REV1: variants seen among roughly 807,000 people sequenced by gnomAD.
REV1 encodes the protein REV1 DNA directed polymerase, also known as translesion synthesis protein REV1.
Under a neutral mutation model 137.4 loss-of-function variants are expected in REV1, and 42 were observed. The ratio of observed to expected loss-of-function variants is 0.31; its 90% CI spans 0.24 to 0.40. The LOEUF (loss-of-function observed/expected upper bound fraction) is 0.40, where lower values mean the gene tolerates loss of function less well. Ranked by LOEUF, REV1 falls within the 10% of genes least tolerant of loss-of-function variation. The pLI is 1.00. For missense variants in REV1, 1,282 were observed against 1,490.1 expected (o/e 0.86, Z 2.30); for synonymous variants, 524 against 519.2 (o/e 1.01, Z -0.12).
At chr2:99,455,497 G>A (rs1174925653) in intron 3 of REV1, among the ~76,000 whole-genome samples, 1 of 152,108 alleles carries the variant, frequency 6.6e-6, no homozygotes, top group Non-Finnish European at 1.5e-5. Flanking sequence ...AAATGCTTAG[G>A]GAACAAATTT....
intron 1 of REV1, among the ~76,000 whole-genome samples, chr2:99,468,755 G>A (rs763192452): frequency 5.3e-5 from 8 of 152,186 alleles, no homozygotes; most frequent in African/African-American, 1.2e-4. Context: ...AACGGATGAA[G>A]AGTGAATACA....
chr2:99,452,253 T>C (rs928546699), intron 3 of REV1, among the ~76,000 whole-genome samples: 11 of 151,808 alleles, frequency 7.2e-5, no homozygotes, highest in Non-Finnish European at 1.3e-4. Flanking sequence ...AGTGAGACCC[T>C]GTCTCTACAA....
At position 99,438,785 on chromosome 2, in the gene REV1, A is replaced by G. The variant is rs1681091569; in HGVS notation, c.1029T>C (p.Pro343=). 1 of 1,614,244 alleles carries G rather than the reference A, an allele frequency of 6.2e-7. No homozygotes were observed. The highest frequency in any genetic ancestry group is 2.2e-5 in the East Asian group (1 of 44,894). Residue 343 remains proline, a synonymous_variant, in exon 6 of 23, where the codon CCT becomes CCC. Coordinates refer to ENST00000258428, the MANE Select transcript of REV1 (RefSeq NM_016316.4). ...SKAAPSVPSK[P]SDCNFISNFY... ...AGTTTGAAATAAAATTGCAGTCTGAAGGTTTGGATGGCACTGAAGGTGCTG... is the reference window on the plus strand; with the variant it reads ...AGTTTGAAATAAAATTGCAGTCTGAGGGTTTGGATGGCACTGAAGGTGCTG...
intron 11 of REV1, among the ~76,000 whole-genome samples, chr2:99,420,027 T>G (rs1259919657): frequency 1.3e-5 from 2 of 152,106 alleles, no homozygotes; most frequent in East Asian, 1.9e-4. Flanking sequence ...ATGCTTGAAC[T>G]TAAAAGAATG....
intron 22 of REV1, among the ~76,000 whole-genome samples, 169 bp downstream of exon 22, chr2:99,402,075 A>G (rs1007701454): frequency 1.3e-5 from 2 of 152,208 alleles, no homozygotes; most frequent in Non-Finnish European, 2.9e-5. Flanking sequence ...TGAGGGCAAC[A>G]TATTTGGAAC....
chr2:99,442,721 C>G (rs777539590), intron 4 of REV1, among the ~76,000 whole-genome samples: 7 of 152,104 alleles, frequency 4.6e-5, no homozygotes, highest in Non-Finnish European at 1.0e-4. Context: ...ACCCTGTCAA[C>G]AGTTAACAGA....
intron 9 of REV1, among the ~76,000 whole-genome samples, chr2:99,427,083 G>A (rs1305483959): frequency 6.6e-6 from 1 of 152,130 alleles, no homozygotes; most frequent in Non-Finnish European, 1.5e-5. Context: ...TCGGGAGGCT[G>A]AGGCAGGAGA....
intron 7 of REV1, 183 bp downstream of exon 7, chr2:99,435,651 T>C: frequency 2.2e-6 from 1 of 464,552 alleles, no homozygotes; most frequent in East Asian, 3.9e-5. Context: ...TGAAGATCCC[T>C]ATAGGGAGAA....
intron 1 of REV1, among the ~76,000 whole-genome samples, chr2:99,471,106 C>A (rs532630770): frequency 6.6e-6 from 1 of 151,196 alleles, no homozygotes; most frequent in Non-Finnish European, 1.5e-5. Flanking sequence ...AAGAAAGCAG[C>A]CTGTGGCCAC....
At chr2:99,407,348 T>G (rs574166697) in intron 15 of REV1, among the ~76,000 whole-genome samples, 1 of 151,630 alleles carries the variant, frequency 6.6e-6, no homozygotes, top group Admixed American at 6.6e-5. Context: ...GTCAGGAGTT[T>G]GAAACCAGCC....
chr2:99,453,892 CA>C (rs58291328), intron 3 of REV1, among the ~76,000 whole-genome samples: 719 of 47,992 alleles, frequency 0.015, 3 homozygotes, highest in African/African-American at 0.048. Context: ...GGCTCTGTCT[CA>C]AAAAAAAAAA....
chr2:99,410,958 A>C, intron 13 of REV1, 91 bp from the exon 14 acceptor site: 1 of 1,228,140 alleles, frequency 8.1e-7, no homozygotes, highest in East Asian at 2.5e-5. Flanking sequence ...AATATTAAAC[A>C]TGTTGGTTAC....
chr2:99,408,741 T>G (rs951315421), intron 14 of REV1, among the ~76,000 whole-genome samples: 20 of 152,188 alleles, frequency 1.3e-4, no homozygotes, highest in Non-Finnish European at 8.8e-5. Context: ...CTTTTGAGCT[T>G]CTCTGGCATG....
chr2:99,428,310 G>C (rs1198426011), intron 9 of REV1, among the ~76,000 whole-genome samples: 1 of 152,164 alleles, frequency 6.6e-6, no homozygotes, highest in Admixed American at 6.5e-5. Context: ...CTAGCCTACT[G>C]AGCACAACAT....
intron 1 of REV1, among the ~76,000 whole-genome samples, chr2:99,465,948 A>G (rs1283431471): frequency 4.0e-5 from 6 of 151,896 alleles, no homozygotes; most frequent in African/African-American, 9.7e-5. Context: ...TTATTTATTT[A>G]TTATTTTTTT....
At chr2:99,404,004 CAAG>C (rs1341717060) in intron 18 of REV1, among the ~76,000 whole-genome samples, 189 bp from the exon 19 acceptor site, 2 of 151,246 alleles carry the variant, frequency 1.3e-5, no homozygotes, top group East Asian at 3.9e-4. Flanking sequence ...GAATTAAGAG[CAAG>C]AATAAGGAAT....
At chr2:99,434,906 T>C (rs1334722810) in intron 7 of REV1, among the ~76,000 whole-genome samples, 1 of 152,182 alleles carries the variant, frequency 6.6e-6, no homozygotes, top group Non-Finnish European at 1.5e-5. Context: ...ACCTACCACA[T>C]TATCAAACAT....
rs770132219 is a variant in REV1, at chr2:99,402,840, A to G, written c.3385-40T>C. ...AAGGATAAAATTGCTATATTCACACATTATCCAGGTATATTAAGATCTCAT... is the reference window on the plus strand; with the variant it reads ...AAGGATAAAATTGCTATATTCACACGTTATCCAGGTATATTAAGATCTCAT... On this transcript the variant is annotated intron_variant, in intron 20 of 22. Coordinates refer to ENST00000258428, the MANE Select transcript of REV1 (RefSeq NM_016316.4). 11 of 1,613,150 alleles carry G rather than the reference A, an allele frequency of 6.8e-6. No homozygotes were observed. The Admixed American group carries it at 1.7e-4, about 24-fold the overall frequency.
intron 2 of REV1, 87 bp downstream of exon 2, chr2:99,464,835 A>G: frequency 7.9e-7 from 1 of 1,271,490 alleles, no homozygotes; most frequent in East Asian, 2.3e-5. Flanking sequence ...TTTACAATTT[A>G]GAAAACAACT....
Sources: allele counts gnomAD v4.1 joint callset (sites outside exome capture counted in the v4.1 genomes callset), GRCh38; gene constraint gnomAD v4.1.1; transcripts MANE v1.5; gene names NCBI Gene and HGNC (gene_info 2026-07-23, HGNC 2026-07-21).